RERG: variants seen among roughly 807,000 people sequenced by gnomAD.
The protein encoded by RERG is RAS like estrogen regulated growth inhibitor, also known as ras-related and estrogen-regulated growth inhibitor.
A neutral mutation model predicts 23.2 loss-of-function variants in RERG; 25 were observed. The observed-to-expected ratio is 1.08, with a 90% CI of 0.79 to 1.50. The LOEUF is 1.50. Ranked by LOEUF, RERG falls within the 40% of genes most tolerant of loss-of-function variation. The probability of loss-of-function intolerance (pLI) is 0.00; values close to 1 mark genes in which losing one functional copy is unlikely to be tolerated. For synonymous variants in RERG, 81 were observed against 89.1 expected (o/e 0.91, Z 0.51); for missense variants, 253 against 250.1 (o/e 1.01, Z -0.08).
chr12:15,143,233 C>A (rs1864267292), intron 2 of RERG, among the ~76,000 whole-genome samples: 1 of 151,928 alleles, frequency 6.6e-6, no homozygotes, highest in African/African-American at 2.4e-5. Context: ...CCTAGAAAAC[C>A]TCAGAACAAA....
intron 2 of RERG, among the ~76,000 whole-genome samples, chr12:15,121,680 C>T (rs1216133558): frequency 1.3e-5 from 2 of 152,198 alleles, no homozygotes; most frequent in Admixed American, 1.3e-4. Context: ...CGATGCTACG[C>T]AGTTTGCTTG....
At chr12:15,208,396 C>A (rs566119663) in intron 2 of RERG, among the ~76,000 whole-genome samples, 2 of 152,254 alleles carry the variant, frequency 1.3e-5, no homozygotes, top group East Asian at 3.9e-4. Context: ...GGCAAGGAAA[C>A]CACTTTGGTC....
intron 2 of RERG, among the ~76,000 whole-genome samples, chr12:15,142,451 A>T (rs994416049): frequency 2.6e-5 from 4 of 151,398 alleles, no homozygotes; most frequent in African/African-American, 7.3e-5. Flanking sequence ...TTTATACCTC[A>T]TTTATTTTGT....
chr12:15,182,598 G>A (rs1168293212), intron 2 of RERG, among the ~76,000 whole-genome samples: 2 of 152,136 alleles, frequency 1.3e-5, no homozygotes, highest in Admixed American at 1.3e-4. Flanking sequence ...TAAAAAAGAT[G>A]AGCCAATTGT....
chr12:15,186,666 G>T (rs1343408257), intron 2 of RERG, among the ~76,000 whole-genome samples: 1 of 152,126 alleles, frequency 6.6e-6, no homozygotes, highest in Admixed American at 6.6e-5. Context: ...GAAAGATTTG[G>T]AGGCCACTTC....
intron 2 of RERG, among the ~76,000 whole-genome samples, chr12:15,129,613 G>T (rs572074830): frequency 6.6e-6 from 1 of 152,186 alleles, no homozygotes; most frequent in Admixed American, 6.5e-5. Flanking sequence ...AGTCTTAGAA[G>T]ATTGAAGCTC....
intron 2 of RERG, among the ~76,000 whole-genome samples, chr12:15,169,355 A>G (rs1864741410): frequency 1.3e-5 from 2 of 152,222 alleles, no homozygotes. Flanking sequence ...AGACTGAGTC[A>G]AGATTGCCCT....
At chr12:15,144,861 C>T (rs1864304202) in intron 2 of RERG, among the ~76,000 whole-genome samples, 1 of 152,158 alleles carries the variant, frequency 6.6e-6, no homozygotes, top group Admixed American at 6.5e-5. Context: ...AGTAGTGTAC[C>T]AAATATGGTT....
At chr12:15,113,538 T>C (rs1863663004) in intron 3 of RERG, among the ~76,000 whole-genome samples, 1 of 151,990 alleles carries the variant, frequency 6.6e-6, no homozygotes, top group Admixed American at 6.5e-5. Flanking sequence ...AAAAATACAG[T>C]ATCACTAGCA....
chr12:15,111,460 T>G (rs188877379), intron 3 of RERG, 43 bp from the exon 4 acceptor site: 5 of 1,476,484 alleles, frequency 3.4e-6, no homozygotes, highest in Non-Finnish European at 4.7e-6. Flanking sequence ...GATAAATAAA[T>G]GCAAGATTTA....
chr12:15,174,282 C>T (rs1432622035), intron 2 of RERG, among the ~76,000 whole-genome samples: 1 of 152,016 alleles, frequency 6.6e-6, no homozygotes, highest in Non-Finnish European at 1.5e-5. Context: ...GATATGTTAT[C>T]CACTGCCTTC....
At chr12:15,200,931 C>T (rs1031808239) in intron 2 of RERG, among the ~76,000 whole-genome samples, 1 of 151,856 alleles carries the variant, frequency 6.6e-6, no homozygotes, top group Non-Finnish European at 1.5e-5. Context: ...CTTCTATCTT[C>T]CTTTACAATT....
chr12:15,119,952 G>C (rs1863801570), intron 3 of RERG, among the ~76,000 whole-genome samples: 1 of 152,110 alleles, frequency 6.6e-6, no homozygotes, highest in South Asian at 2.1e-4. Flanking sequence ...AAAATGTTCT[G>C]TACAGCATAC....
At chr12:15,129,750 G>A (rs1288631624) in intron 2 of RERG, among the ~76,000 whole-genome samples, 11 of 152,048 alleles carry the variant, frequency 7.2e-5, no homozygotes, top group Admixed American at 7.2e-4. Flanking sequence ...GTTGGTAGGG[G>A]GTCAGGTTGT....
At chr12:15,172,142 G>A (rs1371716802) in intron 2 of RERG, among the ~76,000 whole-genome samples, 16 of 151,940 alleles carry the variant, frequency 1.1e-4, no homozygotes, top group Non-Finnish European at 1.9e-4. Flanking sequence ...CTCACTCCAC[G>A]CCCATCCATC....
intron 2 of RERG, among the ~76,000 whole-genome samples, chr12:15,141,250 A>G (rs1224911791): frequency 6.6e-6 from 1 of 151,362 alleles, no homozygotes; most frequent in African/African-American, 2.4e-5. Context: ...CCACCTCCCA[A>G]GTTCAAGCTA....
intron 2 of RERG, among the ~76,000 whole-genome samples, chr12:15,179,800 G>C (rs1004292172): frequency 6.6e-6 from 1 of 152,158 alleles, no homozygotes; most frequent in African/African-American, 2.4e-5. Context: ...GAGGGATATA[G>C]TGTGGGCAGC....
At chr12:15,219,488 A>C (rs1358618405) in intron 1 of RERG, among the ~76,000 whole-genome samples, 1 of 152,202 alleles carries the variant, frequency 6.6e-6, no homozygotes, top group South Asian at 2.1e-4. Flanking sequence ...ATTAGCAAAA[A>C]CCAGAAGCTT....
intron 2 of RERG, among the ~76,000 whole-genome samples, chr12:15,177,324 A>T (rs1864864248): frequency 6.6e-6 from 1 of 152,130 alleles, no homozygotes; most frequent in East Asian, 1.9e-4. Flanking sequence ...GTGGTGGTAC[A>T]TGCCTGTAAT....
Sources: gnomAD v4.1 joint callset for allele counts (sites outside exome capture counted in the v4.1 genomes callset) on GRCh38, gnomAD v4.1.1 for gene constraint, MANE v1.5 for transcripts, NCBI Gene and HGNC (gene_info 2026-07-23, HGNC 2026-07-21) for gene names.